The following ABCC5 variants were observed in gnomAD, a reference collection of about 807,000 sequenced individuals.
ABCC5 encodes ATP-binding cassette sub-family C member 5.
Under a neutral mutation model 160.9 loss-of-function variants are expected in ABCC5, and 61 were observed. The observed-to-expected ratio is 0.38, with a 90% confidence interval of 0.31 to 0.47. The LOEUF (loss-of-function observed/expected upper bound fraction) is 0.47, where lower values mean the gene tolerates loss of function less well. Among genes scored for constraint, ABCC5 ranks in the 20% least tolerant of loss-of-function variants. The pLI, the probability that ABCC5 is intolerant of heterozygous loss-of-function variation, is 0.99. For synonymous variants in ABCC5, 666 were observed against 700.6 expected (o/e 0.95, Z 0.78); for missense variants, 1,308 against 1,813.3 (o/e 0.72, Z 5.06).
At chr3:183,972,169 A>T in intron 10 of ABCC5, 1 of 685,550 alleles carries the variant, frequency 1.5e-6, no homozygotes, top group Non-Finnish European at 2.5e-6. Flanking sequence ...ATTACATGCT[A>T]AACTGCCTTT....
intron 12 of ABCC5, chr3:183,967,251 G>C (rs1434260030): frequency 5.3e-5 from 10 of 190,368 alleles, no homozygotes; most frequent in Non-Finnish European, 1.1e-4. Flanking sequence ...AAAACAGAGG[G>C]GCTTTGCTTC....
At chr3:184,015,708 C>G (rs925182230) in intron 1 of ABCC5, among the ~76,000 whole-genome samples, 3 of 151,638 alleles carry the variant, frequency 2.0e-5, no homozygotes, top group African/African-American at 7.3e-5. Context: ...AAAAAAGTCA[C>G]CTTGTCCAAT....
intron 2 of ABCC5, among the ~76,000 whole-genome samples, chr3:183,990,751 A>C (rs144469764): frequency 8.5e-4 from 129 of 152,316 alleles, no homozygotes; most frequent in Admixed American, 2.5e-3. Context: ...ACTAACTAGA[A>C]AGTGTATAAA....
intron 11 of ABCC5, 112 bp from the exon 12 acceptor site, chr3:183,967,878 T>G (rs1363534945): frequency 1.1e-6 from 1 of 873,456 alleles, no homozygotes; most frequent in Admixed American, 1.9e-5. Flanking sequence ...ACTGTCACCC[T>G]GATGACTCAG....
In ABCC5 at chr3:183,963,068, A is replaced by G. The variant is rs1370574102; in HGVS notation, c.2235+317T>C. ...AGCTTGTTTTCCCAAAACAGTTCCCACTTGCATAGAGATGTTAACACAATG... is the reference window on the plus strand; with the variant it reads ...AGCTTGTTTTCCCAAAACAGTTCCCGCTTGCATAGAGATGTTAACACAATG... On this transcript the variant is annotated intron_variant, in intron 15 of 29. Transcript: ENST00000334444. This position sits in a 1 kb window ranked among gnomAD's most constrained non-coding sequence, Gnocchi z 4.6. Among the ~76,000 whole-genome samples, 1 of 152,196 alleles carries G rather than the reference A, an allele frequency of 6.6e-6. No homozygotes were observed. Among genetic ancestry groups the G allele is most frequent in the Non-Finnish European group, 1.5e-5 (1 of 68,040 alleles).
At chr3:183,964,684 T>G (rs1717056174) in intron 14 of ABCC5, among the ~76,000 whole-genome samples, 3 of 152,326 alleles carry the variant, frequency 2.0e-5, no homozygotes, top group African/African-American at 7.2e-5. Flanking sequence ...CCCAGAGACC[T>G]TCAGGGCAAT....
At chr3:183,985,361 A>G (rs1474326643) in intron 5 of ABCC5, 1 of 1,614,028 alleles carries the variant, frequency 6.2e-7, no homozygotes, top group South Asian at 1.1e-5. Flanking sequence ...ACCGCAGAAT[A>G]CAGCCATCCT....
In ABCC5 at chr3:183,999,557, C is replaced by T. The variant is rs1179532100; in HGVS notation, c.130-10174G>A. ...CACTGGGAGGCCAAAGTGGGAGGAT[C>T]GCTTGAGCCCAGGAGTTCAAGACCA... On this transcript the variant is annotated intron_variant, in intron 2 of 29. Transcript: ENST00000334444. Among the ~76,000 whole-genome samples the T allele has an allele frequency of 3.3e-5, 5 of 152,214 alleles. No individual in the cohort carries two copies. The South Asian group carries it at 6.2e-4, about 19-fold the overall frequency.
At chr3:183,983,366 T>C (rs1041122033) in intron 5 of ABCC5, 1 of 265,488 alleles carries the variant, frequency 3.8e-6, no homozygotes. Flanking sequence ...TTTGTTTACA[T>C]GAAATTAAGA....
intron 17 of ABCC5, among the ~76,000 whole-genome samples, chr3:183,955,375 G>A (rs758027585): frequency 1.6e-4 from 25 of 152,248 alleles, no homozygotes; most frequent in Admixed American, 4.6e-4. Context: ...GTTAATGCTC[G>A]TCAGTTGTGT....
At chr3:183,972,311 C>A (rs141436250) in intron 10 of ABCC5, among the ~76,000 whole-genome samples, 5 of 152,340 alleles carry the variant, frequency 3.3e-5, no homozygotes, top group Admixed American at 1.3e-4. Context: ...ATGCTCACTA[C>A]GTGTTTTCCT....
intron 16 of ABCC5, among the ~76,000 whole-genome samples, chr3:183,961,151 A>G (rs1041038582): frequency 6.6e-6 from 1 of 152,174 alleles, no homozygotes; most frequent in Non-Finnish European, 1.5e-5. Context: ...TCACTTGTTT[A>G]TTTAAAAAAG....
intron 2 of ABCC5, among the ~76,000 whole-genome samples, chr3:183,991,604 T>C (rs186191895): frequency 2.0e-5 from 3 of 152,324 alleles, no homozygotes; most frequent in Admixed American, 1.3e-4. Flanking sequence ...GGAAAGCACA[T>C]AGCCCTGCAA....
chr3:183,950,248 G>A lies in ABCC5; in HGVS notation c.2945-123C>T. ...AAGTTTGTGATGTTGTCTTTAAACA[G>A]TCTGATCAAAGAAAAATTTAGAAAC... is the stretch of plus-strand genomic sequence containing the variant. On this transcript the variant is annotated intron_variant, in intron 20 of 29. Coordinates refer to ENST00000334444, the MANE Select transcript of ABCC5 (RefSeq NM_005688.4). 2.5e-6 allele frequency: 3 copies of A among 1,185,876 alleles called. 1 individual carries two copies. Among genetic ancestry groups the A allele is most frequent in the South Asian group, 3.8e-5 (2 of 52,522 alleles). 73.5% of individuals were successfully genotyped at this position (1,185,876 alleles called of 1,614,324 possible).
At position 183,971,308 on chromosome 3, in the gene ABCC5, C is replaced by G. The variant is rs1717713865; in HGVS notation, c.1761+255G>C. ...ATAGAATCCTCTTTGGGGAAAAATC[C>G]TGGAAAATCCTCTTGAATGTTTCAT... On this transcript the variant is annotated intron_variant, in intron 11 of 29. Transcript: ENST00000334444. Among the ~76,000 whole-genome samples, 5 of 152,314 alleles carry G rather than the reference C, an allele frequency of 3.3e-5. No individual in the cohort carries two copies. The South Asian group carries it at 1.0e-3, about 32-fold the overall frequency.
rs552691663 is a variant in ABCC5, at chr3:183,944,479, G to A, written c.3504+1371C>T. On this transcript the variant is annotated intron_variant, in intron 24 of 29. Coordinates refer to ENST00000334444, the MANE Select transcript of ABCC5 (RefSeq NM_005688.4). The stretch of plus-strand genomic sequence containing the variant: ...TCAAAACTATGTTTCAAAGTCAAGT[G>A]TTGGGAACTCAGAATATACTCTTCA... Among the ~76,000 whole-genome samples the A allele has an allele frequency of 3.1e-4, 46 of 148,886 alleles. No individual in the cohort carries two copies. In the East Asian group the frequency reaches 9.7e-3, roughly 31 times the overall value.
rs1718846613 is a variant in ABCC5, at chr3:183,982,638, AG to A, written c.826-15del. 1 of 1,613,982 alleles carries A rather than the reference AG, an allele frequency of 6.2e-7. No homozygotes were observed. The highest frequency in any genetic ancestry group is 1.7e-5 in the Admixed American group (1 of 60,008). On this transcript the variant is annotated splice_polypyrimidine_tract_variant and intron_variant, in intron 6 of 29. Transcript: ENST00000334444. The surrounding 1 kb of genome is among the most constrained non-coding windows in gnomAD (Gnocchi z 5.2). ...AATGTTGATGAGCTATAAGATACAA[AG>A]AGTAGTGAGGGGACCCTGCAAGGAC...
chr3:183,927,708 C>T (rs1270556586), intron 27 of ABCC5: 2 of 985,266 alleles, frequency 2.0e-6, no homozygotes, highest in African/African-American at 1.7e-5. Flanking sequence ...CCCCAAAATC[C>T]AGTCACATAG....
rs1342635050 is a variant in ABCC5, at chr3:183,951,300, C to G, written c.2944+141G>C. On this transcript the variant is annotated intron_variant, in intron 20 of 29. Transcript: ENST00000334444. This position sits in a 1 kb window ranked among gnomAD's most constrained non-coding sequence, Gnocchi z 4.7. Reference sequence around the variant, plus strand: ...TCAAACAAGACAGAAAATGCAGTTGCAATGTTCCTGGTGAAAACACCAGCA... The same window carrying G: ...TCAAACAAGACAGAAAATGCAGTTGGAATGTTCCTGGTGAAAACACCAGCA... 9.0e-7 allele frequency: 1 copy of G among 1,110,410 alleles called. No individual in the cohort carries two copies. Among genetic ancestry groups the G allele is most frequent in the African/African-American group, 1.6e-5 (1 of 63,498 alleles). The allele number at this position is 1,110,410 out of a possible 1,614,324, so 68.8% of individuals were successfully genotyped here.
Sources: allele counts gnomAD v4.1 joint callset (sites outside exome capture counted in the v4.1 genomes callset), GRCh38; gene constraint gnomAD v4.1.1; non-coding constraint Gnocchi (gnomAD v3.1); transcripts MANE v1.5; gene names NCBI Gene and HGNC (gene_info 2026-07-23, HGNC 2026-07-21).